ZNF274: variants seen among roughly 807,000 people sequenced by gnomAD.
ZNF274 encodes zinc finger protein 274.
ZNF274 carries 23 observed loss-of-function variants against 42.5 expected under a neutral mutation model. The ratio of observed to expected loss-of-function variants is 0.54; its 90% confidence interval spans 0.39 to 0.77. The LOEUF is 0.77. Ranked by LOEUF, ZNF274 falls within the 30% of genes least tolerant of loss-of-function variation. The probability of loss-of-function intolerance (pLI) is 0.00; values close to 1 mark genes in which losing one functional copy is unlikely to be tolerated. For synonymous variants in ZNF274, 292 were observed against 305.4 expected (o/e 0.96, Z 0.46); for missense variants, 679 against 806.5 (o/e 0.84, Z 1.91).
chr19:58,188,621 AT>A (rs1354441553), intron 4 of ZNF274, among the ~76,000 whole-genome samples: 837 of 18,292 alleles, frequency 0.046, 15 homozygotes, highest in Middle Eastern at 0.15. Flanking sequence ...AAAAAAAAAA[AT>A]ATATATATAT....
intron 2 of ZNF274, among the ~76,000 whole-genome samples, chr19:58,185,240 A>G (rs1426377992): frequency 6.7e-6 from 1 of 150,368 alleles, no homozygotes; most frequent in Admixed American, 6.6e-5. Context: ...CTTGACCAAC[A>G]TGGTGAAACC....
chr19:58,213,083 T>C lies in ZNF274; in HGVS notation c.1902T>C (p.Leu634=). ...CGKAFTQSSH[L]IGHQRTHNRT... Reference sequence around the variant, plus strand: ...AGGCCTTCACCCAGAGCTCACACCTTATTGGGCACCAGAGAACCCACAATA... The same window carrying C: ...AGGCCTTCACCCAGAGCTCACACCTCATTGGGCACCAGAGAACCCACAATA... Residue 634 remains leucine, a synonymous_variant, in exon 8 of 8, where the codon CTT becomes CTC. Coordinates refer to ENST00000617501, the MANE Select transcript of ZNF274 (RefSeq NM_133502.3). The C allele has an allele frequency of 6.2e-7, 1 of 1,614,000 alleles. No individual in the cohort carries two copies.
At chr19:58,185,433 TAAATA>T (rs1186425382) in intron 2 of ZNF274, 1 of 153,936 alleles carries the variant, frequency 6.5e-6, no homozygotes, top group Non-Finnish European at 1.4e-5. Context: ...AAACAATAAA[TAAATA>T]AATTAAATAA....
chr19:58,198,780 T>C lies in ZNF274; in HGVS notation c.257-7940T>C, dbSNP rs1033949165. The stretch of plus-strand genomic sequence containing the variant: ...AGTGTAGAGTTGCCAAAATTAGTCC[T>C]AGGAGAAATATTAAAATTAACTTTG... On this transcript the variant is annotated intron_variant, in intron 4 of 7. Transcript: ENST00000617501. 6.6e-5 allele frequency among the ~76,000 whole-genome samples: 10 copies of C among 150,864 alleles called. No homozygotes were observed. The East Asian group carries it at 1.7e-3, about 26-fold the overall frequency.
chr19:58,204,254 T>A (rs1029514009), intron 4 of ZNF274, among the ~76,000 whole-genome samples: 1 of 151,668 alleles, frequency 6.6e-6, no homozygotes, highest in East Asian at 1.9e-4. Context: ...CAGCGGGGAC[T>A]AGGGAGAACG....
Position 58,211,396 on chromosome 19 carries a change from G to T in ZNF274, c.853-164G>T. 2 of 841,544 alleles carry T rather than the reference G, an allele frequency of 2.4e-6. No homozygotes were observed. Among genetic ancestry groups the T allele is most frequent in the Non-Finnish European group, 3.5e-6 (2 of 573,370 alleles). The allele number at this position is 841,544 out of a possible 1,614,324, so 52.1% of individuals were successfully genotyped here. On this transcript the variant is annotated intron_variant, in intron 6 of 7. Transcript: ENST00000617501. The surrounding 1 kb of genome is among the most constrained non-coding windows in gnomAD (Gnocchi z 4.8). The stretch of plus-strand genomic sequence containing the variant: ...CCCAGACCCTGGTTTGGACCCAGTA[G>T]AACTCTTGTGGGCCCTGGGTTGGTG...
At chr19:58,199,899 T>C (rs1381593013) in intron 4 of ZNF274, among the ~76,000 whole-genome samples, 2 of 152,256 alleles carry the variant, frequency 1.3e-5, no homozygotes, top group Non-Finnish European at 2.9e-5. Context: ...TTAACTTATT[T>C]TGAGGGCTTA....
intron 2 of ZNF274, 176 bp from the exon 3 acceptor site, chr19:58,185,536 G>A (rs2075687444): frequency 2.2e-6 from 1 of 457,294 alleles, no homozygotes; most frequent in Non-Finnish European, 3.7e-6. Flanking sequence ...ATAGAGTCAA[G>A]CTTGGGTTTG....
chr19:58,213,157 TGAA>T lies in ZNF274; in HGVS notation c.*18_*20del. ...CCTACCTCATAGCTCTCAAGCCAGT[TGAA>T]GAAACCTTGCCTTTTCAGCTTGACC... On this transcript the variant is annotated 3_prime_UTR_variant, in exon 8 of 8. Transcript: ENST00000617501. The T allele has an allele frequency of 1.3e-6, 2 of 1,590,754 alleles. No homozygotes were observed. The highest frequency in any genetic ancestry group is 1.1e-5 in the South Asian group (1 of 89,078).
At position 58,213,278 on chromosome 19, in the gene ZNF274, C is replaced by G; in HGVS notation, c.*135C>G. On this transcript the variant is annotated 3_prime_UTR_variant, in exon 8 of 8. Transcript: ENST00000617501. ...GGACATTCCCAAAACCAAAGGACAACTGAGGAGACTGCCCAGCACATAATG... is the reference window on the plus strand; with the variant it reads ...GGACATTCCCAAAACCAAAGGACAAGTGAGGAGACTGCCCAGCACATAATG... 9.1e-7 allele frequency: 1 copy of G among 1,100,314 alleles called. No individual in the cohort carries two copies. The highest frequency in any genetic ancestry group is 1.8e-5 in the South Asian group (1 of 54,714). 68.2% of individuals were successfully genotyped at this position (1,100,314 alleles called of 1,614,324 possible). A position where few individuals can be genotyped will look rare whatever the true frequency, so the allele number is the denominator to read the frequency against.
chr19:58,183,667 C>T, intron 1 of ZNF274: 5 of 337,334 alleles, frequency 1.5e-5, no homozygotes, highest in Non-Finnish European at 2.8e-5. Flanking sequence ...AGATCGCCTC[C>T]GGAAGCGTGG....
intron 4 of ZNF274, among the ~76,000 whole-genome samples, chr19:58,188,128 G>T (rs1260831299): frequency 6.6e-6 from 1 of 151,136 alleles, no homozygotes; most frequent in Non-Finnish European, 1.5e-5. Flanking sequence ...CTTTTTTTTT[G>T]CACGAACAAG....
Position 58,207,659 on chromosome 19 carries a change from G to T in ZNF274, c.739+457G>T, listed in dbSNP as rs920015660. On this transcript the variant is annotated intron_variant, in intron 5 of 7. Coordinates refer to ENST00000617501, the MANE Select transcript of ZNF274 (RefSeq NM_133502.3). This position sits in a 1 kb window ranked among gnomAD's most constrained non-coding sequence, Gnocchi z 5.6. ...TGGAGTGGAACTTGGCCAGGGTAAA[G>T]AAAGGGGGCAGGAAAGATGTGCCAT... 1.3e-5 allele frequency among the ~76,000 whole-genome samples: 2 copies of T among 152,152 alleles called. No homozygotes were observed. The highest frequency in any genetic ancestry group is 2.9e-5 in the Non-Finnish European group (2 of 68,032).
chr19:58,193,920 G>A (rs1238015676), intron 4 of ZNF274, among the ~76,000 whole-genome samples: 3 of 151,550 alleles, frequency 2.0e-5, no homozygotes, highest in Non-Finnish European at 4.4e-5. Context: ...AGCAAGAAAC[G>A]GTCTCAAAAA....
rs934524858 is a variant in ZNF274 at position 58,207,857 on chromosome 19, C to T, written c.739+655C>T. Reference sequence around the variant, plus strand: ...AATGTTCTTCTAAAACAGTAGGGCTCGATCCCTGAGTTCCAGAAACTGGTG... The same window carrying T: ...AATGTTCTTCTAAAACAGTAGGGCTTGATCCCTGAGTTCCAGAAACTGGTG... On this transcript the variant is annotated intron_variant, in intron 5 of 7. Coordinates refer to ENST00000617501, the MANE Select transcript of ZNF274 (RefSeq NM_133502.3). This position sits in a 1 kb window ranked among gnomAD's most constrained non-coding sequence, Gnocchi z 5.6. 6.6e-6 allele frequency among the ~76,000 whole-genome samples: 1 copy of T among 152,188 alleles called. No homozygotes were observed. Among genetic ancestry groups the T allele is most frequent in the Non-Finnish European group, 1.5e-5 (1 of 68,034 alleles).
chr19:58,212,966 C>G lies in ZNF274; in HGVS notation c.1785C>G (p.Asp595Glu), dbSNP rs2076060895. 1 of 1,613,898 alleles carries G rather than the reference C, an allele frequency of 6.2e-7. No homozygotes were observed. The highest frequency in any genetic ancestry group is 1.7e-5 in the Admixed American group (1 of 59,986). The change falls in exon 8 of 8, where the codon GAC becomes GAG. Residue 595 changes from aspartate to glutamate, a missense_variant. Around this residue, in one of 2 missense-constraint regions of ZNF274, gnomAD observed 456 missense variants for 590.1 expected, o/e 0.77. Transcript: ENST00000617501. The surrounding 1 kb of genome is among the most constrained non-coding windows in gnomAD (Gnocchi z 4.6). ...HTGAKPYKCQDCGKAFRQSSH... is the reference protein window; with the variant it reads ...HTGAKPYKCQECGKAFRQSSH... The stretch of plus-strand genomic sequence containing the variant: ...GCGCTAAGCCCTACAAGTGTCAGGA[C>G]TGTGGAAAAGCCTTCCGCCAGAGCT...
At position 58,213,139 on chromosome 19, in the gene ZNF274, C is replaced by T. The variant is rs754901770; in HGVS notation, c.1958C>T (p.Ser653Leu). The T allele has an allele frequency of 6.2e-7, 1 of 1,606,002 alleles. No individual in the cohort carries two copies. Among genetic ancestry groups the T allele is most frequent in the East Asian group, 2.2e-5 (1 of 44,756 alleles). ...AAGCGAAAGAAGAAACAGCCTACCT[C>T]ATAGCTCTCAAGCCAGTTGAAGAAA... ...RTKRKKKQPT[S>L] The change falls in exon 8 of 8, where the codon TCA becomes TTA. Residue 653 changes from serine to leucine, a missense_variant. Physicochemically the swap from Ser to Leu is moderately radical, Grantham distance 145. Coordinates refer to ENST00000617501, the MANE Select transcript of ZNF274 (RefSeq NM_133502.3).
At chr19:58,188,204 A>C (rs1336758949) in intron 4 of ZNF274, among the ~76,000 whole-genome samples, 4 of 152,142 alleles carry the variant, frequency 2.6e-5, no homozygotes, top group African/African-American at 9.7e-5. Context: ...TGTAAACTAA[A>C]AATCTGGTAG....
chr19:58,185,527 T>A (rs2075687355), intron 2 of ZNF274, 185 bp from the exon 3 acceptor site: 1 of 408,586 alleles, frequency 2.4e-6, no homozygotes, highest in African/African-American at 2.0e-5. Context: ...GTAACCTGAA[T>A]AGAGTCAAGC....
Sources: gnomAD v4.1 joint callset for allele counts (sites outside exome capture counted in the v4.1 genomes callset) on GRCh38, gnomAD v4.1.1 for gene constraint, gnomAD v4.1.1 regional missense constraint, Gnocchi (gnomAD v3.1) non-coding constraint, MANE v1.5 for transcripts, NCBI Gene and HGNC (gene_info 2026-07-23, HGNC 2026-07-21) for gene names.